TNKS: variants seen among roughly 807,000 people sequenced by gnomAD.
TNKS encodes poly [ADP-ribose] polymerase tankyrase-1.
Under a neutral mutation model 135.8 loss-of-function variants are expected in TNKS, and 72 were observed. That is an observed-to-expected ratio of 0.53 (90% CI 0.44 to 0.64). The LOEUF is 0.64. Ranked by LOEUF, TNKS falls within the 30% of genes least tolerant of loss-of-function variation. TNKS has a pLI of 0.00. For synonymous variants in TNKS, 849 were observed against 649.3 expected, an observed-to-expected ratio of 1.31 and a Z score of -4.68; for missense variants, 1,769 against 1,674.0, an observed-to-expected ratio of 1.06 and a Z score of -0.99.
chr8:9,603,561 C>G (rs2128760105), intron 2 of TNKS, among the ~76,000 whole-genome samples: 1 of 152,228 alleles, frequency 6.6e-6, no homozygotes, highest in Middle Eastern at 3.4e-3. Context: ...CTCCTGACAC[C>G]CAGTTCAGTT....
At chr8:9,579,773 G>A (rs753677696) in intron 1 of TNKS, among the ~76,000 whole-genome samples, 7 of 152,150 alleles carry the variant, frequency 4.6e-5, no homozygotes, top group Non-Finnish European at 5.9e-5. Flanking sequence ...CTTATCAGCA[G>A]TATTTAAATA....
rs146671144 is a variant in TNKS at position 9,652,437 on chromosome 8, A to T, written c.995-27514A>T. Among the ~76,000 whole-genome samples the T allele has an allele frequency of 4.8e-3, 724 of 152,290 alleles. 7 individuals are homozygous for T. Among genetic ancestry groups the T allele is most frequent in the African/African-American group, 0.017 (692 of 41,570 alleles). Reference sequence around the variant, plus strand: ...TAGCCACTGTTTTATTAATGTGGTAAATCAATTTCTGTAGCTTCTCACATT... The same window carrying T: ...TAGCCACTGTTTTATTAATGTGGTATATCAATTTCTGTAGCTTCTCACATT... On this transcript the variant is annotated intron_variant, in intron 3 of 26. Coordinates refer to ENST00000310430, the MANE Select transcript of TNKS (RefSeq NM_003747.3).
chr8:9,567,529 C>T (rs1375644482), intron 1 of TNKS, among the ~76,000 whole-genome samples: 1 of 152,212 alleles, frequency 6.6e-6, no homozygotes, highest in East Asian at 1.9e-4. Flanking sequence ...CATTCTCCTG[C>T]CTCAGCCTCC....
At chr8:9,700,398 G>A (rs1023107881) in intron 5 of TNKS, among the ~76,000 whole-genome samples, 4 of 152,184 alleles carry the variant, frequency 2.6e-5, no homozygotes, top group African/African-American at 9.7e-5. Flanking sequence ...TTAACGTGGT[G>A]TCAGATACGT....
intron 3 of TNKS, chr8:9,679,635 G>T: frequency 3.7e-6 from 1 of 271,464 alleles, no homozygotes; most frequent in Non-Finnish European, 7.1e-6. Flanking sequence ...AAGGGGGGAG[G>T]GGACATTGTC....
chr8:9,676,714 G>GTGTGTT (rs1802558617), intron 3 of TNKS, among the ~76,000 whole-genome samples: 2 of 151,290 alleles, frequency 1.3e-5, no homozygotes, highest in Admixed American at 1.3e-4. Flanking sequence ...GTGTGTGTTT[G>GTGTGTT]TGTGTGTGTA....
chr8:9,597,099 T>C (rs1798818686), intron 2 of TNKS, among the ~76,000 whole-genome samples: 2 of 152,254 alleles, frequency 1.3e-5, no homozygotes, highest in Admixed American at 1.3e-4. Context: ...GAATTTAAGA[T>C]AGCAAATAAG....
At chr8:9,556,850 A>C in intron 1 of TNKS, 1 of 575,406 alleles carries the variant, frequency 1.7e-6, no homozygotes, top group Non-Finnish European at 3.1e-6. Flanking sequence ...TCATTACAAA[A>C]CTCACTGTAG....
At chr8:9,579,228 A>G (rs148214831) in intron 1 of TNKS, among the ~76,000 whole-genome samples, 2 of 152,250 alleles carry the variant, frequency 1.3e-5, no homozygotes, top group Admixed American at 6.5e-5. Context: ...CGTTTCCTCA[A>G]ACTAAGTGAA....
intron 2 of TNKS, among the ~76,000 whole-genome samples, chr8:9,596,975 A>G (rs766106843): frequency 1.3e-5 from 2 of 152,242 alleles, no homozygotes; most frequent in Admixed American, 6.5e-5. Context: ...CATTGAATAT[A>G]GGAGTGGTAT....
intron 17 of TNKS, among the ~76,000 whole-genome samples, chr8:9,743,128 A>G (rs538857450): frequency 5.9e-5 from 9 of 152,306 alleles, no homozygotes; most frequent in Non-Finnish European, 8.8e-5. Flanking sequence ...CTGGCCACAT[A>G]TCATTTTGTG....
chr8:9,627,555 G>GCTTGCTTGCTTC (rs1800109975), intron 3 of TNKS, among the ~76,000 whole-genome samples: 1 of 150,704 alleles, frequency 6.6e-6, no homozygotes, highest in African/African-American at 2.5e-5. Flanking sequence ...TTGCTTGCTT[G>GCTTGCTTGCTTC]CTTGCTTGCT....
chr8:9,605,946 A>G (rs991881495), intron 2 of TNKS, among the ~76,000 whole-genome samples: 2 of 151,936 alleles, frequency 1.3e-5, no homozygotes, highest in African/African-American at 4.8e-5. Context: ...CTTAATTTTG[A>G]TAAAACACAG....
rs565869329 is a variant in TNKS at position 9,574,863 on chromosome 8, A to T, written c.674-5296A>T. 7 of 171,588 alleles carry T rather than the reference A, an allele frequency of 4.1e-5. No homozygotes were observed. In the South Asian group the frequency reaches 1.2e-3, roughly 28 times the overall value. The allele number at this position is 171,588 out of a possible 1,614,324, so 10.6% of individuals were successfully genotyped here. A position where few individuals can be genotyped will look rare whatever the true frequency, so the allele number is the denominator to read the frequency against. On this transcript the variant is annotated intron_variant, in intron 1 of 26. Transcript: ENST00000310430. ...TTAATTATAAAAAAGTCAAGAGAGAAAGCTCCCCCGCGCCCCCCTTTACTC... is the reference window on the plus strand; with the variant it reads ...TTAATTATAAAAAAGTCAAGAGAGATAGCTCCCCCGCGCCCCCCTTTACTC...
chr8:9,676,816 T>G, intron 3 of TNKS, among the ~76,000 whole-genome samples: 1 of 152,130 alleles, frequency 6.6e-6, no homozygotes, highest in Middle Eastern at 3.2e-3. Flanking sequence ...TTTCAAAAAT[T>G]CCATTTACTT....
intron 5 of TNKS, among the ~76,000 whole-genome samples, chr8:9,688,543 A>G (rs1585329525): frequency 1.3e-5 from 2 of 152,278 alleles, no homozygotes; most frequent in East Asian, 3.9e-4. Context: ...CAACAACAGA[A>G]ATTTATTTCT....
chr8:9,732,309 G>C (rs1805485941), intron 14 of TNKS, among the ~76,000 whole-genome samples: 2 of 152,174 alleles, frequency 1.3e-5, no homozygotes, highest in South Asian at 4.1e-4. Flanking sequence ...AGAAATGTGA[G>C]AAAGGTATTT....
At chr8:9,705,011 G>A (rs1421215960) in intron 6 of TNKS, among the ~76,000 whole-genome samples, 3 of 152,150 alleles carry the variant, frequency 2.0e-5, no homozygotes, top group Non-Finnish European at 2.9e-5. Flanking sequence ...CTCAGTTGCA[G>A]TTAGGGTTTT....
chr8:9,702,305 G>A (rs746332967), intron 5 of TNKS, among the ~76,000 whole-genome samples: 1 of 151,458 alleles, frequency 6.6e-6, no homozygotes, highest in Non-Finnish European at 1.5e-5. Context: ...GCATGCGTGT[G>A]CGTGCACACA....
Sources: gnomAD v4.1 joint callset for allele counts (sites outside exome capture counted in the v4.1 genomes callset) on GRCh38, gnomAD v4.1.1 for gene constraint, MANE v1.5 for transcripts, NCBI Gene and HGNC (gene_info 2026-07-23, HGNC 2026-07-21) for gene names.